SLC30A9: variants seen among roughly 807,000 people sequenced by gnomAD.
SLC30A9 encodes the protein solute carrier family 30 member 9, also known as proton-coupled zinc antiporter SLC30A9, mitochondrial.
In SLC30A9, 58 loss-of-function variants were observed where a neutral mutation model predicts 87.5. That is an observed-to-expected ratio of 0.66 (90% CI 0.54 to 0.82). The LOEUF (loss-of-function observed/expected upper bound fraction) is 0.82, where lower values mean the gene tolerates loss of function less well. SLC30A9 is among the 40% of genes least tolerant of loss of function. The pLI is 0.00. For synonymous variants in SLC30A9, 234 were observed against 233.0 expected (o/e 1.00, Z -0.04); for missense variants, 557 against 679.1 (o/e 0.82, Z 2.00).
chr4:42,000,327 A>T (rs1163685107), intron 1 of SLC30A9, among the ~76,000 whole-genome samples: 1 of 152,126 alleles, frequency 6.6e-6, no homozygotes, highest in African/African-American at 2.4e-5. Flanking sequence ...AGTGGCCAGG[A>T]TGAAGAAGAT....
At chr4:42,060,349 C>A in intron 10 of SLC30A9, 103 bp downstream of exon 10, 1 of 885,270 alleles carries the variant, frequency 1.1e-6, no homozygotes, top group Non-Finnish European at 1.9e-6. Flanking sequence ...GCAGTTTGTT[C>A]AAGATTTGGT....
chr4:42,062,578 T>C (rs2153139860), intron 10 of SLC30A9, among the ~76,000 whole-genome samples: 1 of 152,298 alleles, frequency 6.6e-6, no homozygotes, highest in African/African-American at 2.4e-5. Flanking sequence ...TTATAAATAA[T>C]AGACTGGCTG....
At chr4:42,029,692 C>G in intron 6 of SLC30A9, 1 of 751,940 alleles carries the variant, frequency 1.3e-6, no homozygotes, top group South Asian at 1.4e-5. Context: ...GGAAATTGCT[C>G]TGGATTAAAT....
intron 14 of SLC30A9, among the ~76,000 whole-genome samples, chr4:42,067,769 G>A (rs1718140834): frequency 6.6e-6 from 1 of 152,330 alleles, no homozygotes; most frequent in African/African-American, 2.4e-5. Flanking sequence ...TACATGGTCA[G>A]TGAATTGGGG....
chr4:42,053,985 T>G (rs111514129), intron 9 of SLC30A9, among the ~76,000 whole-genome samples: 9 of 152,284 alleles, frequency 5.9e-5, no homozygotes, highest in Non-Finnish European at 1.0e-4. Context: ...GGGAGCTTTT[T>G]GGGAATGATG....
chr4:42,070,928 G>C (rs1463813877), intron 15 of SLC30A9, among the ~76,000 whole-genome samples: 1 of 152,102 alleles, frequency 6.6e-6, no homozygotes, highest in Non-Finnish European at 1.5e-5. Context: ...GAAGAGTCAA[G>C]TTGATATAAT....
intron 14 of SLC30A9, among the ~76,000 whole-genome samples, chr4:42,068,797 A>G (rs1203436624): frequency 6.6e-6 from 1 of 152,242 alleles, no homozygotes; most frequent in African/African-American, 2.4e-5. Context: ...TTGAGGGCCA[A>G]TAAAATACAA....
intron 1 of SLC30A9, among the ~76,000 whole-genome samples, chr4:41,996,786 C>T (rs1161932505): frequency 6.6e-6 from 1 of 151,878 alleles, no homozygotes; most frequent in East Asian, 1.9e-4. Context: ...GTAGTCCCAG[C>T]ACTTTGGGAG....
chr4:42,040,657 G>A lies in SLC30A9; in HGVS notation c.737+1604G>A, dbSNP rs147160886. Among the ~76,000 whole-genome samples, 523 of 151,950 alleles carry A rather than the reference G, an allele frequency of 3.4e-3. 2 individuals are homozygous for A. The highest frequency in any genetic ancestry group is 0.011 in the African/African-American group (474 of 41,464). On this transcript the variant is annotated intron_variant, in intron 8 of 17. Transcript: ENST00000264451. Reference sequence around the variant, plus strand: ...CTAAAAATACAAAAATTAGCTGGGCGTAGTGGTGGGCGCCTGTAGTCCCAG... The same window carrying A: ...CTAAAAATACAAAAATTAGCTGGGCATAGTGGTGGGCGCCTGTAGTCCCAG...
At position 42,001,763 on chromosome 4, in the gene SLC30A9, T is replaced by C. The variant is rs1714995469; in HGVS notation, c.257T>C (p.Val86Ala). ...TCACAAACACTCAGAGTGGAAAAAG[T>C]ACCATCATTTGAAACAGGTATGTGT... ...QGSQTLRVEK[V>A]PSFETAEGIG... The change falls in exon 2 of 18, where the codon GTA becomes GCA. Residue 86 changes from valine (V) to alanine (A), a missense_variant. Val to Ala is a moderately conservative substitution (Grantham distance 64, BLOSUM62 0). Coordinates refer to ENST00000264451, the MANE Select transcript of SLC30A9 (RefSeq NM_006345.4). The C allele has an allele frequency of 6.2e-7, 1 of 1,608,818 alleles. No individual in the cohort carries two copies. Among genetic ancestry groups the C allele is most frequent in the Non-Finnish European group, 8.5e-7 (1 of 1,177,666 alleles).
At chr4:42,006,787 G>T (rs574882062) in intron 2 of SLC30A9, among the ~76,000 whole-genome samples, 1 of 152,082 alleles carries the variant, frequency 6.6e-6, no homozygotes, top group African/African-American at 2.4e-5. Context: ...GGTGGGGTTG[G>T]TAGTGTTGAA....
At chr4:41,994,771 A>T (rs1714619161) in intron 1 of SLC30A9, among the ~76,000 whole-genome samples, 1 of 148,278 alleles carries the variant, frequency 6.7e-6, no homozygotes, top group Non-Finnish European at 1.5e-5. Context: ...GCCTGTAATG[A>T]CAGCTACTCA....
At chr4:42,074,202 C>T (rs1718431837) in intron 15 of SLC30A9, among the ~76,000 whole-genome samples, 1 of 152,010 alleles carries the variant, frequency 6.6e-6, no homozygotes, top group Admixed American at 6.6e-5. Flanking sequence ...ATTCTTATTT[C>T]ATCCTTGATG....
intron 9 of SLC30A9, among the ~76,000 whole-genome samples, chr4:42,053,820 C>G (rs1717489148): frequency 6.7e-6 from 1 of 148,842 alleles, no homozygotes. Context: ...TTGTGGTATA[C>G]TCATACAATG....
At chr4:42,066,361 T>G (rs1264189705) in intron 12 of SLC30A9, among the ~76,000 whole-genome samples, 189 bp from the exon 13 acceptor site, 1 of 152,222 alleles carries the variant, frequency 6.6e-6, no homozygotes, top group African/African-American at 2.4e-5. Flanking sequence ...TTAATTATTA[T>G]GGTTTAGAAC....
intron 2 of SLC30A9, among the ~76,000 whole-genome samples, chr4:42,007,742 G>A (rs186729445): frequency 6.6e-6 from 1 of 152,268 alleles, no homozygotes; most frequent in Admixed American, 6.5e-5. Flanking sequence ...GGGCGACAGA[G>A]CAAGACTCCA....
chr4:42,054,536 G>T (rs1263180020), intron 9 of SLC30A9, among the ~76,000 whole-genome samples: 2 of 151,136 alleles, frequency 1.3e-5, no homozygotes, highest in Non-Finnish European at 2.9e-5. Context: ...TGTCACCCAG[G>T]CTGGAGTGCA....
At chr4:42,053,122 A>G (rs1449045655) in intron 9 of SLC30A9, among the ~76,000 whole-genome samples, 3 of 152,182 alleles carry the variant, frequency 2.0e-5, no homozygotes, top group Non-Finnish European at 4.4e-5. Flanking sequence ...AAATGTGCTA[A>G]CACCGTTAAT....
chr4:41,996,905 A>T (rs376937161), intron 1 of SLC30A9, among the ~76,000 whole-genome samples: 8 of 152,116 alleles, frequency 5.3e-5, no homozygotes, highest in African/African-American at 1.7e-4. Flanking sequence ...GTGGTGGCAC[A>T]TGCCTGTAAT....
Sources: allele counts gnomAD v4.1 joint callset (sites outside exome capture counted in the v4.1 genomes callset), GRCh38; gene constraint gnomAD v4.1.1; transcripts MANE v1.5; gene names NCBI Gene and HGNC (gene_info 2026-07-23, HGNC 2026-07-21).